The following NAV2 variants were observed in gnomAD, a reference collection of about 807,000 sequenced individuals.
The protein encoded by NAV2 is neuron navigator 2, also known as helicase, APC down-regulated 1.
NAV2 carries 54 observed loss-of-function variants against 223.2 expected under a neutral mutation model. That is an observed-to-expected ratio of 0.24 (90% confidence interval 0.19 to 0.30). The LOEUF (loss-of-function observed/expected upper bound fraction) is 0.30. NAV2 is among the 10% of genes least tolerant of loss of function. The pLI, the probability that NAV2 is intolerant of heterozygous loss-of-function variation, is 1.00. For synonymous variants in NAV2, 1,279 were observed against 1,239.3 expected, an observed-to-expected ratio of 1.03 and a Z score of -0.67; for missense variants, 2,806 against 3,147.5, an observed-to-expected ratio of 0.89 and a Z score of 2.60.
At chr11:19,512,096 A>G (rs2134238387) in intron 1 of NAV2, among the ~76,000 whole-genome samples, 1 of 152,260 alleles carries the variant, frequency 6.6e-6, no homozygotes, top group Middle Eastern at 3.4e-3. Context: ...AAGGAAACAG[A>G]TAAACTCTCT....
At chr11:19,694,956 G>A (rs768534008) in intron 1 of NAV2, among the ~76,000 whole-genome samples, 1 of 152,176 alleles carries the variant, frequency 6.6e-6, no homozygotes, top group African/African-American at 2.4e-5. Flanking sequence ...TGGCAGAGGC[G>A]GGTGTGACCT....
chr11:20,068,253 C>G (rs1327175067), intron 21 of NAV2, 44 bp downstream of exon 21: 2 of 1,611,294 alleles, frequency 1.2e-6, no homozygotes, highest in Non-Finnish European at 1.7e-6. Context: ...TAAGTATTGT[C>G]AATTATTTGA....
intron 1 of NAV2, among the ~76,000 whole-genome samples, chr11:19,672,360 A>G (rs2048595858): frequency 1.3e-5 from 2 of 152,302 alleles, no homozygotes; most frequent in South Asian, 4.1e-4. Context: ...GCAGTGAGGG[A>G]GATCTACATG....
intron 1 of NAV2, among the ~76,000 whole-genome samples, chr11:19,635,347 G>A (rs2047463906): frequency 1.3e-5 from 2 of 152,198 alleles, no homozygotes; most frequent in Non-Finnish European, 2.9e-5. Flanking sequence ...CAGCTGCAGT[G>A]TGGACGACAG....
chr11:19,960,132 CAAGAGGAGGAGTCGG>C (rs2048229985), intron 10 of NAV2, among the ~76,000 whole-genome samples: 1 of 152,124 alleles, frequency 6.6e-6, no homozygotes, highest in Non-Finnish European at 1.5e-5. Context: ...GCTTGATGGA[CAAGAGGAGGAGTCGG>C]TTATTTGTTC....
At chr11:19,881,726 C>T (rs964756505) in intron 5 of NAV2, among the ~76,000 whole-genome samples, 3 of 152,060 alleles carry the variant, frequency 2.0e-5, no homozygotes, top group Non-Finnish European at 2.9e-5. Flanking sequence ...GGCAGGCAAA[C>T]AAGCACATGA....
rs111479397 is a variant in NAV2 at position 19,378,673 on chromosome 11, C to T, written c.75+27646C>T. Among the ~76,000 whole-genome samples the T allele has an allele frequency of 5.9e-3, 901 of 152,112 alleles. 13 individuals are homozygous for T. The highest frequency in any genetic ancestry group is 0.021 in the African/African-American group (860 of 41,472). On this transcript the variant is annotated intron_variant, in intron 1 of 37. Transcript: ENST00000360655. Reference sequence around the variant, plus strand: ...ATGCTCCCTGTCATGAAACTGACTTCGTGTCTGCCAGTGCTCTAGGTGTCA... The same window carrying T: ...ATGCTCCCTGTCATGAAACTGACTTTGTGTCTGCCAGTGCTCTAGGTGTCA...
chr11:19,699,138 A>G (rs1339221592), intron 1 of NAV2, among the ~76,000 whole-genome samples: 1 of 152,216 alleles, frequency 6.6e-6, no homozygotes, highest in Non-Finnish European at 1.5e-5. Context: ...ACAGTCAGGA[A>G]TTCTGTGCCA....
Position 20,090,995 on chromosome 11 carries a change from C to T in NAV2, c.5629C>T (p.Arg1877Trp), listed in dbSNP as rs772740145. 1.9e-6 allele frequency: 3 copies of T among 1,613,608 alleles called. No homozygotes were observed. Among genetic ancestry groups the T allele is most frequent in the South Asian group, 1.1e-5 (1 of 91,062 alleles). The change falls in exon 27 of 38, where the codon CGG becomes TGG. Residue 1877 changes from arginine (R) to tryptophan (W), a missense_variant. Physicochemically the swap from Arg to Trp is moderately radical, Grantham distance 101 (BLOSUM62 -3). Around this residue, in one of 4 missense-constraint regions of NAV2, gnomAD observed 824 missense variants for 1,069.4 expected, o/e 0.77. Transcript: ENST00000349880. ...LSSAHQLDQL[R>W]EAMNRMQSEI... Reference sequence around the variant, plus strand: ...TTCTGCCCACCAGCTGGACCAGCTCCGGGAGGCCATGAACAGGATGCAGGT... The same window carrying T: ...TTCTGCCCACCAGCTGGACCAGCTCTGGGAGGCCATGAACAGGATGCAGGT...
At chr11:19,764,055 T>G (rs1373898483) in intron 1 of NAV2, among the ~76,000 whole-genome samples, 1 of 152,166 alleles carries the variant, frequency 6.6e-6, no homozygotes, top group Non-Finnish European at 1.5e-5. Flanking sequence ...TGTAATTACA[T>G]TTTTTCCATT....
intron 7 of NAV2, among the ~76,000 whole-genome samples, chr11:19,936,118 C>T (rs1392482081): frequency 6.6e-6 from 1 of 151,478 alleles, no homozygotes; most frequent in Non-Finnish European, 1.5e-5. Flanking sequence ...GTCCACCCTC[C>T]TCAGCCTCCT....
intron 1 of NAV2, among the ~76,000 whole-genome samples, chr11:19,621,849 G>T (rs1663760047): frequency 6.6e-6 from 1 of 152,084 alleles, no homozygotes; most frequent in Admixed American, 6.5e-5. Flanking sequence ...TGTGATGGTA[G>T]GGTGTCAATT....
chr11:20,095,813 C>T (rs1285972973), intron 30 of NAV2, 46 bp downstream of exon 30: 2 of 1,400,120 alleles, frequency 1.4e-6, no homozygotes, highest in South Asian at 1.2e-5. Flanking sequence ...CTAACATGGG[C>T]ATCCGGGCCT....
chr11:19,802,290 G>A (rs1052433798), intron 1 of NAV2, among the ~76,000 whole-genome samples: 2 of 152,160 alleles, frequency 1.3e-5, no homozygotes, highest in Non-Finnish European at 2.9e-5. Context: ...CATGCATCAA[G>A]GAGGGGTGGG....
intron 1 of NAV2, among the ~76,000 whole-genome samples, chr11:19,579,229 A>G (rs1264882825): frequency 2.0e-5 from 3 of 152,204 alleles, no homozygotes; most frequent in Admixed American, 1.3e-4. Flanking sequence ...AGCTGTCTCA[A>G]TTGTCAAATG....
intron 10 of NAV2, chr11:19,981,225 A>G (rs2050256648): frequency 6.6e-6 from 1 of 152,220 alleles, no homozygotes; most frequent in South Asian, 2.1e-4. Flanking sequence ...CCCAACAGCA[A>G]GCCCAGCTCA....
At chr11:19,494,037 C>G (rs2042716637) in intron 1 of NAV2, among the ~76,000 whole-genome samples, 1 of 152,200 alleles carries the variant, frequency 6.6e-6, no homozygotes, top group Non-Finnish European at 1.5e-5. Flanking sequence ...CCCTGCAGAC[C>G]AGACTGAGCT....
chr11:19,547,853 T>C (rs1312433661), intron 1 of NAV2, among the ~76,000 whole-genome samples: 1 of 152,238 alleles, frequency 6.6e-6, no homozygotes, highest in Non-Finnish European at 1.5e-5. Context: ...AAGATGTTTC[T>C]GGGTTCCAAT....
intron 6 of NAV2, among the ~76,000 whole-genome samples, chr11:19,902,894 GAGC>G (rs113205763): frequency 0.014 from 2,161 of 152,294 alleles, 57 homozygotes; most frequent in African/African-American, 0.05. Flanking sequence ...ACATTTCTGT[GAGC>G]ATATGTAGCC....
Sources: allele counts gnomAD v4.1 joint callset (sites outside exome capture counted in the v4.1 genomes callset), GRCh38; gene constraint gnomAD v4.1.1; regional missense constraint gnomAD v4.1.1; transcripts MANE v1.5; gene names NCBI Gene and HGNC (gene_info 2026-07-23, HGNC 2026-07-21).